GPR146: variants seen among roughly 807,000 people sequenced by gnomAD.
The protein encoded by GPR146 is G protein-coupled receptor 146, also known as G-protein coupled receptor 146.
For synonymous variants in GPR146, 203 were observed against 104.3 expected, an observed-to-expected ratio of 1.95 and a Z score of -5.77; for missense variants, 381 against 213.9, an observed-to-expected ratio of 1.78 and a Z score of -4.87.
Position 1,057,907 on chromosome 7 carries a change from G to T in GPR146, c.392G>T (p.Arg131Leu). The change falls in exon 2 of 2, where the codon CGT (arginine) becomes CTT (leucine). Residue 131 changes from arginine to leucine, a missense_variant. Coordinates refer to ENST00000444847, the MANE Select transcript of GPR146 (RefSeq NM_001303473.2). ...ALLSLDHYIE[R>L]ALPRTYMASV... ...CTGAGCCTCGACCACTACATCGAGC[G>T]TGCACTGCCGCGGACCTACATGGCC... 1.3e-6 allele frequency: 1 copy of T among 775,808 alleles called. No individual in the cohort carries two copies. The allele number at this position is 775,808 out of a possible 1,614,324, so 48.1% of individuals were successfully genotyped here. A position where few individuals can be genotyped will look rare whatever the true frequency, so the allele number is the denominator to read the frequency against.
chr7:1,051,239 C>T (rs946880172), intron 1 of GPR146, among the ~76,000 whole-genome samples: 1 of 152,262 alleles, frequency 6.6e-6, no homozygotes, highest in Admixed American at 6.5e-5. Flanking sequence ...TGTGTCCCAA[C>T]CCCGGTCCTC....
chr7:1,057,138 TAA>T (rs1483390011), intron 1 of GPR146, among the ~76,000 whole-genome samples: 1 of 151,920 alleles, frequency 6.6e-6, no homozygotes, highest in Non-Finnish European at 1.5e-5. Flanking sequence ...AGACATCTAG[TAA>T]ACTTCGGGAA....
At chr7:1,056,501 C>G (rs984319395) in intron 1 of GPR146, 1 of 152,558 alleles carries the variant, frequency 6.6e-6, no homozygotes, top group African/African-American at 2.4e-5. Flanking sequence ...GCCTGCATGC[C>G]TAGCCACAGG....
intron 1 of GPR146, among the ~76,000 whole-genome samples, chr7:1,056,994 C>T (rs1783862744): frequency 2.0e-5 from 3 of 152,156 alleles, no homozygotes. Flanking sequence ...CCACAGGTCA[C>T]CCTCCCTGGA....
chr7:1,055,737 T>G (rs1783679372), intron 1 of GPR146, among the ~76,000 whole-genome samples: 1 of 152,056 alleles, frequency 6.6e-6, no homozygotes, highest in Admixed American at 6.5e-5. Context: ...CTCCTGTCAG[T>G]GACTGGAGGC....
chr7:1,053,839 A>G (rs979890633), intron 1 of GPR146, among the ~76,000 whole-genome samples: 1 of 152,118 alleles, frequency 6.6e-6, no homozygotes, highest in African/African-American at 2.4e-5. Context: ...AAAAACAAAA[A>G]CAAAACCAAA....
chr7:1,055,425 CT>C (rs1337159784), intron 1 of GPR146: 1 of 467,860 alleles, frequency 2.1e-6, no homozygotes, highest in Admixed American at 2.3e-5. Context: ...TCCCGCCATG[CT>C]GCTCACCGAC....
intron 1 of GPR146, among the ~76,000 whole-genome samples, chr7:1,053,598 T>C (rs963736872): frequency 1.3e-5 from 2 of 152,126 alleles, no homozygotes. Context: ...GAGGCCGAGG[T>C]GGGCGGATCA....
intron 1 of GPR146, chr7:1,055,526 G>T (rs898193559): frequency 2.2e-6 from 1 of 448,854 alleles, no homozygotes; most frequent in African/African-American, 2.0e-5. Flanking sequence ...GGGACGTGGG[G>T]GGCTCTGTGC....
chr7:1,057,822 G>C lies in GPR146; in HGVS notation c.307G>C (p.Val103Leu). ...ALWSVGGEVH[V>L]ALQIPFNVSS... Reference sequence around the variant, plus strand: ...GTGGAGTGTGGGCGGCGAAGTCCACGTGGCACTGCAGATCCCCTTCAATGT... The same window carrying C: ...GTGGAGTGTGGGCGGCGAAGTCCACCTGGCACTGCAGATCCCCTTCAATGT... Residue 103 changes from valine (V) to leucine (L), a missense_variant, in exon 2 of 2, where the codon GTG becomes CTG. Val to Leu is a conservative substitution (Grantham distance 32, BLOSUM62 1). Transcript: ENST00000444847. 1.3e-6 allele frequency: 1 copy of C among 777,378 alleles called. No individual in the cohort carries two copies. Among genetic ancestry groups the C allele is most frequent in the Non-Finnish European group, 2.4e-6 (1 of 418,026 alleles). The allele number at this position is 777,378 out of a possible 1,614,324, so 48.2% of individuals were successfully genotyped here.
intron 1 of GPR146, chr7:1,055,370 G>C: frequency 2.1e-6 from 1 of 470,740 alleles, no homozygotes; most frequent in Non-Finnish European, 4.4e-6. Flanking sequence ...GCAGAGAAGC[G>C]CAGCAGCGCG....
At position 1,058,085 on chromosome 7, in the gene GPR146, G is replaced by A. The variant is rs1372569493; in HGVS notation, c.570G>A (p.Thr190=). The change falls in exon 2 of 2, where the codon ACG becomes ACA. Residue 190 remains threonine, a synonymous_variant. Transcript: ENST00000444847. ...KMQNAEAADA[T]LVFIGYVVPA... is the part of the protein sequence containing the mutation. ...AGAACGCAGAAGCTGCCGACGCCAC[G>A]CTGGTGTTCATCGGCTACGTGGTGC... is the stretch of plus-strand genomic sequence containing the variant. The A allele has an allele frequency of 7.8e-6, 6 of 766,506 alleles. No homozygotes were observed. The highest frequency in any genetic ancestry group is 5.1e-5 in the Admixed American group (3 of 58,974). 47.5% of individuals were successfully genotyped at this position (766,506 alleles called of 1,614,324 possible).
At position 1,056,907 on chromosome 7, in the gene GPR146, C is replaced by T. The variant is rs927888653; in HGVS notation, c.-24-585C>T. ...CGAAATTCTTACTCTAGGATGGCTC[C>T]AGCCGCCAGGTTCTCATTCAGTGAC... On this transcript the variant is annotated intron_variant, in intron 1 of 1. Coordinates refer to ENST00000444847, the MANE Select transcript of GPR146 (RefSeq NM_001303473.2). The T allele has an allele frequency of 5.2e-5, 8 of 152,996 alleles. 1 individual carries two copies. Among genetic ancestry groups the T allele is most frequent in the Non-Finnish European group, 7.3e-5 (5 of 68,588 alleles). The allele number at this position is 152,996 out of a possible 1,614,324, so 9.5% of individuals were successfully genotyped here.
intron 1 of GPR146, among the ~76,000 whole-genome samples, chr7:1,054,467 G>C (rs548135909): frequency 6.6e-6 from 1 of 152,372 alleles, no homozygotes; most frequent in South Asian, 2.1e-4. Context: ...CCCGGCTGGG[G>C]TGACAGCACG....
chr7:1,050,991 G>A (rs1783060857), intron 1 of GPR146, among the ~76,000 whole-genome samples: 2 of 152,256 alleles, frequency 1.3e-5, no homozygotes, highest in South Asian at 4.1e-4. Context: ...GATTGGCTGA[G>A]GTCACCCCAC....
chr7:1,046,137 G>A (rs1033343311), intron 1 of GPR146, among the ~76,000 whole-genome samples: 6 of 152,200 alleles, frequency 3.9e-5, no homozygotes, highest in South Asian at 2.1e-4. Flanking sequence ...AAATATGCTC[G>A]TGTAATTTAC....
rs1476269985 is a variant in GPR146, at chr7:1,052,196, C to A, written c.-24-5296C>A. Among the ~76,000 whole-genome samples the A allele has an allele frequency of 6.6e-6, 1 of 152,266 alleles. No individual in the cohort carries two copies. The highest frequency in any genetic ancestry group is 1.5e-5 in the Non-Finnish European group (1 of 68,050). ...TCATTGTCCCTAAGAGACCCTGAGG[C>A]CTGCTCCAGGCTGAGTGGGTGAGGA... On this transcript the variant is annotated intron_variant, in intron 1 of 1. Transcript: ENST00000444847. This position sits in a 1 kb window ranked among gnomAD's most constrained non-coding sequence, Gnocchi z 4.2.
intron 1 of GPR146, among the ~76,000 whole-genome samples, chr7:1,054,639 T>C (rs1166662132): frequency 1.3e-5 from 2 of 152,200 alleles, no homozygotes; most frequent in Admixed American, 1.3e-4. Context: ...GGGCAGGCAT[T>C]AGCAGTCCAG....
chr7:1,050,334 G>T (rs1455758085), intron 1 of GPR146, among the ~76,000 whole-genome samples: 1 of 152,242 alleles, frequency 6.6e-6, no homozygotes, highest in Non-Finnish European at 1.5e-5. Context: ...ATTTGCTCAG[G>T]CTCAGAGCAG....
Sources: allele counts gnomAD v4.1 joint callset (sites outside exome capture counted in the v4.1 genomes callset), GRCh38; gene constraint gnomAD v4.1.1; non-coding constraint Gnocchi (gnomAD v3.1); transcripts MANE v1.5; gene names NCBI Gene and HGNC (gene_info 2026-07-23, HGNC 2026-07-21).